THBS2: variants seen among roughly 807,000 people sequenced by gnomAD.
THBS2 encodes thrombospondin-2.
In THBS2, 47 loss-of-function variants were observed where a neutral mutation model predicts 135.2. That is an observed-to-expected ratio of 0.35 (90% CI 0.28 to 0.44). The LOEUF is 0.44. Ranked by LOEUF, THBS2 falls within the 20% of genes least tolerant of loss-of-function variation. The pLI is 1.00. For missense variants in THBS2, 1,288 were observed against 1,603.1 expected (o/e 0.80, Z 3.36); for synonymous variants, 639 against 633.8 (o/e 1.01, Z -0.12).
intron 9 of THBS2, among the ~76,000 whole-genome samples, chr6:169,235,312 G>A (rs1312723788): frequency 1.3e-5 from 2 of 151,796 alleles, no homozygotes; most frequent in African/African-American, 2.4e-5. Flanking sequence ...ATGAGCCACC[G>A]TGCCCGGCCC....
At position 169,241,742 on chromosome 6, in the gene THBS2, G is replaced by A. The variant is rs374737894; in HGVS notation, c.891+20C>T. Reference sequence around the variant, plus strand: ...CTGCCCATGCCCTATGACCCCCGCGGCCCCTGCGTGAGTACCCACCACTCT... The same window carrying A: ...CTGCCCATGCCCTATGACCCCCGCGACCCCTGCGTGAGTACCCACCACTCT... On this transcript the variant is annotated intron_variant, in intron 5 of 21. Transcript: ENST00000617924. This position sits in a 1 kb window ranked among gnomAD's most constrained non-coding sequence, Gnocchi z 5.5. The A allele has an allele frequency of 1.7e-5, 27 of 1,587,646 alleles. No homozygotes were observed. The African/African-American group carries it at 2.8e-4, about 17-fold the overall frequency.
intron 20 of THBS2, among the ~76,000 whole-genome samples, chr6:169,220,633 G>A (rs1244824089): frequency 6.6e-6 from 1 of 152,186 alleles, no homozygotes; most frequent in Admixed American, 6.5e-5. Context: ...GTGGGGTGAG[G>A]AGGAAGCTTC....
intron 17 of THBS2, 41 bp from the exon 18 acceptor site, chr6:169,223,516 G>T (rs780711536): frequency 6.3e-6 from 10 of 1,582,238 alleles, no homozygotes; most frequent in Admixed American, 5.1e-5. Context: ...CAAAAACAAA[G>T]AAGCAAAGTC....
intron 2 of THBS2, among the ~76,000 whole-genome samples, chr6:169,249,580 G>T (rs1032254031): frequency 6.6e-5 from 10 of 152,208 alleles, no homozygotes; most frequent in Non-Finnish European, 1.2e-4. Flanking sequence ...TCAGCAGGTT[G>T]TTATTTTGTA....
At chr6:169,246,376 C>A (rs1780557076) in intron 3 of THBS2, 95 bp from the exon 4 acceptor site, 1 of 1,031,184 alleles carries the variant, frequency 9.7e-7, no homozygotes, top group East Asian at 2.4e-5. Flanking sequence ...AAGTTGGAAT[C>A]TTCAAGTAGT....
intron 2 of THBS2, among the ~76,000 whole-genome samples, chr6:169,249,892 T>C (rs1404080121): frequency 6.6e-6 from 1 of 152,014 alleles, no homozygotes; most frequent in African/African-American, 2.4e-5. Flanking sequence ...TAGCCAGGCA[T>C]GGTTGTGGGC....
chr6:169,239,841 A>G (rs1780229739), intron 6 of THBS2, 146 bp from the exon 7 acceptor site: 1 of 665,710 alleles, frequency 1.5e-6, no homozygotes, highest in Non-Finnish European at 2.6e-6. Context: ...AAATAAGGGC[A>G]TCTTTTTCTC....
chr6:169,246,329 A>G (rs372229659), intron 3 of THBS2, 48 bp from the exon 4 acceptor site: 51 of 1,429,372 alleles, frequency 3.6e-5, no homozygotes, highest in Non-Finnish European at 4.4e-5. Flanking sequence ...TAAACATCCA[A>G]TGTTTGATGC....
chr6:169,229,700 A>G (rs762649113), intron 13 of THBS2, 21 bp from the exon 14 acceptor site: 4 of 1,590,340 alleles, frequency 2.5e-6, no homozygotes, highest in Non-Finnish European at 3.5e-6. Context: ...AGAAGGAAGA[A>G]TACTTGGAAA....
chr6:169,243,456 C>G (rs1780445219), intron 4 of THBS2, among the ~76,000 whole-genome samples: 1 of 152,206 alleles, frequency 6.6e-6, no homozygotes, highest in South Asian at 2.1e-4. Context: ...CCTGACTTCT[C>G]TCGGACAGTC....
chr6:169,234,747 C>G lies in THBS2; in HGVS notation c.1638G>C (p.Arg546Ser), dbSNP rs1291043770. 1 of 1,585,618 alleles carries G rather than the reference C, an allele frequency of 6.3e-7. No individual in the cohort carries two copies. Among genetic ancestry groups the G allele is most frequent in the South Asian group, 1.1e-5 (1 of 88,820 alleles). ...CCCCTCACTCACCCACGGGGCAGCTCCTCTTGTTGCACATCTGACGCTCCT... is the reference window on the plus strand; with the variant it reads ...CCCCTCACTCACCCACGGGGCAGCTGCTCTTGTTGCACATCTGACGCTCCT... The part of the protein sequence containing the change: ...DVQERQMCNK[R>S]SCPVDGCLSN... The change falls in exon 10 of 22, where the codon AGG becomes AGC. Residue 546 changes from arginine to serine, a missense_variant. Around this residue, in one of 2 missense-constraint regions of THBS2, gnomAD observed 874 missense variants for 1,156.1 expected, o/e 0.76. Transcript: ENST00000617924.
chr6:169,240,402 A>C (rs1382808835), intron 6 of THBS2, 50 bp downstream of exon 6: 2 of 1,598,388 alleles, frequency 1.3e-6, no homozygotes, highest in South Asian at 1.1e-5. Flanking sequence ...GGTTCTGCCA[A>C]GTGTCCGATG....
In THBS2 at chr6:169,215,893, A is replaced by G. The variant is rs1343854826; in HGVS notation, c.*1929T>C. Reference sequence around the variant, plus strand: ...AAATTTTGACCATGTGAACACATAAATAAATATTTACAGTCTTTGGCAAAA... The same window carrying G: ...AAATTTTGACCATGTGAACACATAAGTAAATATTTACAGTCTTTGGCAAAA... On this transcript the variant is annotated 3_prime_UTR_variant, in exon 22 of 22. Coordinates refer to ENST00000617924, the MANE Select transcript of THBS2 (RefSeq NM_003247.5). 2 of 152,606 alleles carry G rather than the reference A, an allele frequency of 1.3e-5. No homozygotes were observed. Among genetic ancestry groups the G allele is most frequent in the Non-Finnish European group, 2.9e-5 (2 of 68,042 alleles). The allele number at this position is 152,606 out of a possible 1,614,324, so 9.5% of individuals were successfully genotyped here.
intron 13 of THBS2, among the ~76,000 whole-genome samples, chr6:169,230,582 T>C (rs545589214): frequency 2.0e-5 from 3 of 152,344 alleles, no homozygotes; most frequent in East Asian, 3.9e-4. Flanking sequence ...GGGTCCCTTG[T>C]CAAGTCTCAC....
At chr6:169,249,070 AT>A (rs1380390465) in intron 2 of THBS2, 97 bp from the exon 3 acceptor site, 1 of 1,185,792 alleles carries the variant, frequency 8.4e-7, no homozygotes, top group Non-Finnish European at 1.2e-6. Flanking sequence ...GTGTAAGGAA[AT>A]TAACGAGGCC....
At chr6:169,232,243 G>A (rs1562358124) in intron 12 of THBS2, 45 bp from the exon 13 acceptor site, 1 of 1,599,286 alleles carries the variant, frequency 6.3e-7, no homozygotes, top group South Asian at 1.1e-5. Context: ...CAGGACGATG[G>A]CTCCGGAGGC....
Position 169,241,950 on chromosome 6 carries a change from T to C in THBS2, c.703A>G (p.Asn235Asp), listed in dbSNP as rs1780320257. ...GCQQGQGAEI[N>D]AISENTETLR... Reference sequence around the variant, plus strand: ...GTCTCTGTGTTCTCACTGATGGCGTTGATCTCAGCTGAGGGCAAGCGTAGA... The same window carrying C: ...GTCTCTGTGTTCTCACTGATGGCGTCGATCTCAGCTGAGGGCAAGCGTAGA... The change falls in exon 5 of 22, where the codon AAC becomes GAC. Residue 235 changes from asparagine (N) to aspartate (D), a missense_variant. Physicochemically the swap from Asn to Asp is conservative, Grantham distance 23. Transcript: ENST00000617924. The surrounding 1 kb of genome is among the most constrained non-coding windows in gnomAD (Gnocchi z 5.5). 1 of 1,607,438 alleles carries C rather than the reference T, an allele frequency of 6.2e-7. No individual in the cohort carries two copies. Among genetic ancestry groups the C allele is most frequent in the African/African-American group, 1.3e-5 (1 of 74,848 alleles).
chr6:169,218,643 GTTGGGT>G (rs1779283610), intron 21 of THBS2, among the ~76,000 whole-genome samples: 5 of 95,782 alleles, frequency 5.2e-5, no homozygotes, highest in African/African-American at 1.1e-4. Context: ...GAGATGGATG[GTTGGGT>G]GAATGGATGA....
chr6:169,245,466 CAT>C (rs1780507565), intron 4 of THBS2, among the ~76,000 whole-genome samples: 1 of 152,150 alleles, frequency 6.6e-6, no homozygotes, highest in Admixed American at 6.5e-5. Flanking sequence ...AGATTTCCAT[CAT>C]ATGATGGAGT....
Sources: allele counts gnomAD v4.1 joint callset (sites outside exome capture counted in the v4.1 genomes callset), GRCh38; gene constraint gnomAD v4.1.1; regional missense constraint gnomAD v4.1.1; non-coding constraint Gnocchi (gnomAD v3.1); transcripts MANE v1.5; gene names NCBI Gene and HGNC (gene_info 2026-07-23, HGNC 2026-07-21).